Variants in BICC1 observed in about 807,000 individuals in gnomAD.
The protein encoded by BICC1 is BicC family RNA binding protein 1, also known as protein bicaudal C homolog 1.
Under a neutral mutation model 111.0 loss-of-function variants are expected in BICC1, and 43 were observed. The observed-to-expected ratio is 0.39, with a 90% CI of 0.30 to 0.50. BICC1 has a LOEUF of 0.50. Among genes scored for constraint, BICC1 ranks in the 20% least tolerant of loss-of-function variants. The pLI is 0.88. For synonymous variants in BICC1, 467 were observed against 434.4 expected (o/e 1.07, Z -0.93); for missense variants, 1,091 against 1,203.2 (o/e 0.91, Z 1.38).
At chr10:58,628,639 A>G (rs528540974) in intron 2 of BICC1, among the ~76,000 whole-genome samples, 1 of 152,314 alleles carries the variant, frequency 6.6e-6, no homozygotes, top group South Asian at 2.1e-4. Flanking sequence ...AAAAGTGGCA[A>G]CAATATCTGG....
chr10:58,798,154 C>A (rs971176775), intron 10 of BICC1, among the ~76,000 whole-genome samples: 11 of 152,162 alleles, frequency 7.2e-5, no homozygotes, highest in Admixed American at 6.6e-4. Context: ...TAACTGCCAT[C>A]CTGGTCTGGG....
intron 2 of BICC1, among the ~76,000 whole-genome samples, chr10:58,691,259 A>G (rs1322481044): frequency 1.3e-5 from 2 of 152,146 alleles, no homozygotes; most frequent in African/African-American, 4.8e-5. Context: ...GTGTTGTCCA[A>G]ATTATACACT....
chr10:58,756,783 T>C (rs1842161293), intron 3 of BICC1, among the ~76,000 whole-genome samples: 1 of 152,146 alleles, frequency 6.6e-6, no homozygotes, highest in East Asian at 1.9e-4. Context: ...AATTGAACAC[T>C]TTAGCAACAT....
intron 20 of BICC1, among the ~76,000 whole-genome samples, chr10:58,826,350 G>A (rs534056565): frequency 4.7e-4 from 71 of 152,250 alleles, no homozygotes; most frequent in Admixed American, 1.2e-3. Flanking sequence ...TCCCAGACAC[G>A]GTTAAGAAAA....
intron 2 of BICC1, among the ~76,000 whole-genome samples, chr10:58,630,551 C>T (rs1036647605): frequency 1.3e-5 from 2 of 152,138 alleles, no homozygotes; most frequent in Admixed American, 6.5e-5. Context: ...ACCTTAGCCT[C>T]CTGAGTAGCT....
At chr10:58,797,949 AC>A in intron 10 of BICC1, among the ~76,000 whole-genome samples, 1 of 152,316 alleles carries the variant, frequency 6.6e-6, no homozygotes, top group Non-Finnish European at 1.5e-5. Flanking sequence ...TGCAGCGGGG[AC>A]AAATAGATCT....
chr10:58,548,975 T>G (rs1843216031), intron 1 of BICC1, among the ~76,000 whole-genome samples: 1 of 152,080 alleles, frequency 6.6e-6, no homozygotes, highest in Non-Finnish European at 1.5e-5. Context: ...TTTTTCCACC[T>G]CAGCCTCCTG....
chr10:58,594,798 C>G (rs2132051322), intron 1 of BICC1, among the ~76,000 whole-genome samples: 1 of 152,230 alleles, frequency 6.6e-6, no homozygotes, highest in African/African-American at 2.4e-5. Context: ...CCATCGACAA[C>G]ATAAAGAAAC....
Position 58,813,965 on chromosome 10 carries a change from A to G in BICC1, c.2512A>G (p.Lys838Glu). 6.2e-7 allele frequency: 1 copy of G among 1,614,036 alleles called. No homozygotes were observed. Among genetic ancestry groups the G allele is most frequent in the Non-Finnish European group, 8.5e-7 (1 of 1,179,928 alleles). The part of the protein sequence containing the change: ...SEFAASIGSP[K>E]RKQNKSTEHY... The stretch of plus-strand genomic sequence containing the variant: ...ATTTGCAGCTTCTATTGGCAGCCCT[A>G]AGCGTAAACAAAACAAATCAAGTGA... Residue 838 changes from lysine to glutamate, a missense_variant, in exon 18 of 21, where the codon AAG becomes GAG. By Grantham distance (56) the Lys-to-Glu change is moderately conservative. This residue lies in a region of BICC1 where 231 missense variants were observed against 256.2 expected (regional missense o/e 0.90). Transcript: ENST00000373886.
At chr10:58,623,943 A>C (rs1037181971) in intron 2 of BICC1, among the ~76,000 whole-genome samples, 2 of 152,082 alleles carry the variant, frequency 1.3e-5, no homozygotes, top group African/African-American at 4.8e-5. Context: ...TTCACCACAA[A>C]TGAGATTGTT....
chr10:58,519,567 A>T (rs1284311335), intron 1 of BICC1, among the ~76,000 whole-genome samples: 1 of 152,166 alleles, frequency 6.6e-6, no homozygotes, highest in African/African-American at 2.4e-5. Flanking sequence ...AACTTATGTT[A>T]TTCAGTAACA....
At chr10:58,771,097 A>T (rs934754887) in intron 3 of BICC1, among the ~76,000 whole-genome samples, 3 of 152,180 alleles carry the variant, frequency 2.0e-5, no homozygotes, top group Admixed American at 1.3e-4. Context: ...GAGATTGAGG[A>T]TTCAAAAAAT....
chr10:58,814,092 T>A (rs756079195), intron 18 of BICC1, 106 bp downstream of exon 18: 2 of 1,295,636 alleles, frequency 1.5e-6, no homozygotes, highest in South Asian at 2.4e-5. Flanking sequence ...AAGTGCTTGG[T>A]GTAATTCACA....
chr10:58,716,317 A>G, intron 3 of BICC1: 1 of 1,450,516 alleles, frequency 6.9e-7, no homozygotes, highest in Non-Finnish European at 9.2e-7. Flanking sequence ...TTCCCTTATA[A>G]AGAAAGTGCA....
In BICC1 at chr10:58,720,008, C is replaced by T. The variant is rs182969862; in HGVS notation, c.307+17865C>T. On this transcript the variant is annotated intron_variant, in intron 3 of 20. Coordinates refer to ENST00000373886, the MANE Select transcript of BICC1 (RefSeq NM_001080512.3). ...ACTACAAAAGTAATTAAACATCCCT[C>T]TCTTATGACTGACATGAATGATTGC... is the stretch of plus-strand genomic sequence containing the variant. Among the ~76,000 whole-genome samples, 6 of 152,294 alleles carry T rather than the reference C, an allele frequency of 3.9e-5. No homozygotes were observed. The East Asian group carries it at 7.7e-4, about 20-fold the overall frequency.
chr10:58,767,094 G>T (rs547087167), intron 3 of BICC1, among the ~76,000 whole-genome samples: 2 of 152,216 alleles, frequency 1.3e-5, no homozygotes, highest in East Asian at 1.9e-4. Context: ...AATTCCATGG[G>T]TGCCCCCATG....
chr10:58,768,338 A>G (rs1003377129), intron 3 of BICC1, among the ~76,000 whole-genome samples: 4 of 152,174 alleles, frequency 2.6e-5, no homozygotes, highest in Non-Finnish European at 5.9e-5. Context: ...CTGTCTTTCA[A>G]TGGTACTTTA....
intron 1 of BICC1, among the ~76,000 whole-genome samples, chr10:58,533,318 G>A (rs1052993269): frequency 1.3e-5 from 2 of 151,580 alleles, no homozygotes; most frequent in Admixed American, 6.6e-5. Context: ...TCTTTAAAGG[G>A]TATCCATTTT....
At chr10:58,693,658 T>C (rs1589029830) in intron 2 of BICC1, among the ~76,000 whole-genome samples, 1 of 152,144 alleles carries the variant, frequency 6.6e-6, no homozygotes, top group African/African-American at 2.4e-5. Flanking sequence ...ATAAATGTCT[T>C]CTTTTGAGAA....
Sources: allele counts gnomAD v4.1 joint callset (sites outside exome capture counted in the v4.1 genomes callset), GRCh38; gene constraint gnomAD v4.1.1; regional missense constraint gnomAD v4.1.1; transcripts MANE v1.5; gene names NCBI Gene and HGNC (gene_info 2026-07-23, HGNC 2026-07-21).